Variants in WDR48 observed in about 807,000 individuals in gnomAD.
The protein encoded by WDR48 is WD repeat-containing protein 48.
In WDR48, 22 loss-of-function variants were observed where a neutral mutation model predicts 94.0. The observed-to-expected ratio is 0.23, with a 90% CI of 0.17 to 0.33. The LOEUF (loss-of-function observed/expected upper bound fraction) is 0.33, where lower values mean the gene tolerates loss of function less well. Ranked by LOEUF, WDR48 falls within the 10% of genes least tolerant of loss-of-function variation. WDR48 has a pLI of 1.00. For missense variants in WDR48, 541 were observed against 813.8 expected (o/e 0.66, Z 4.08); for synonymous variants, 278 against 280.5 (o/e 0.99, Z 0.09).
At chr3:39,052,311 C>T (rs560817353) in intron 1 of WDR48, 17 of 523,014 alleles carry the variant, frequency 3.3e-5, no homozygotes, top group African/African-American at 2.7e-4. Context: ...ATTCTGAGCC[C>T]GGGATTGCTT....
intron 13 of WDR48, among the ~76,000 whole-genome samples, chr3:39,085,191 C>G (rs886404462): frequency 9.2e-5 from 14 of 151,548 alleles, no homozygotes; most frequent in African/African-American, 3.2e-4. Context: ...TGCACCACTG[C>G]GCTCCAGCCT....
At chr3:39,059,300 A>G (rs1162078729) in intron 1 of WDR48, among the ~76,000 whole-genome samples, 1 of 152,162 alleles carries the variant, frequency 6.6e-6, no homozygotes, top group East Asian at 1.9e-4. Flanking sequence ...GACACTGGCA[A>G]CAGTAAATGA....
intron 1 of WDR48, among the ~76,000 whole-genome samples, chr3:39,060,601 G>A (rs546280105): frequency 2.0e-5 from 3 of 152,102 alleles, no homozygotes; most frequent in African/African-American, 4.8e-5. Flanking sequence ...CTTTTCCTTC[G>A]TAAAGATTAC....
rs1163674955 is a variant in WDR48 at position 39,074,889 on chromosome 3, C to T, written c.836C>T (p.Thr279Ile). ...GGAAGGGACAGGAAGATTTATTGTACAGACCTAAGAAACCCTGACATTCGG... is the reference window on the plus strand; with the variant it reads ...GGAAGGGACAGGAAGATTTATTGTATAGACCTAAGAAACCCTGACATTCGG... ...SGGRDRKIYCTDLRNPDIRVL... is the reference protein window; with the variant it reads ...SGGRDRKIYCIDLRNPDIRVL... Residue 279 changes from threonine (T) to isoleucine (I), a missense_variant, in exon 8 of 19, where the codon ACA (threonine) becomes ATA (isoleucine). This residue lies in a region of WDR48 where 238 missense variants were observed against 285.3 expected (regional missense o/e 0.83). Transcript: ENST00000302313. 1 of 1,614,220 alleles carries T rather than the reference C, an allele frequency of 6.2e-7. No homozygotes were observed. Among genetic ancestry groups the T allele is most frequent in the East Asian group, 2.2e-5 (1 of 44,892 alleles).
Position 39,069,761 on chromosome 3 carries a change from G to A in WDR48, c.672+17G>A. ...GGCACGCAAGTATGCAGTTTCATTT[G>A]GGTGTTTACCTAATAACCTTGTTAG... On this transcript the variant is annotated intron_variant, in intron 7 of 18. Coordinates refer to ENST00000302313, the MANE Select transcript of WDR48 (RefSeq NM_020839.4). 6.2e-7 allele frequency: 1 copy of A among 1,603,866 alleles called. No homozygotes were observed. Among genetic ancestry groups the A allele is most frequent in the Non-Finnish European group, 8.5e-7 (1 of 1,173,236 alleles).
chr3:39,089,466 C>A, intron 16 of WDR48, 148 bp downstream of exon 16: 2 of 553,348 alleles, frequency 3.6e-6, no homozygotes, highest in Non-Finnish European at 6.0e-6. Flanking sequence ...TCCAAAGTTG[C>A]AGAAATAGTA....
intron 1 of WDR48, among the ~76,000 whole-genome samples, chr3:39,060,384 C>T (rs1348064262): frequency 1.3e-5 from 2 of 151,388 alleles, no homozygotes; most frequent in African/African-American, 2.4e-5. Context: ...GGTTCATCCA[C>T]GTTATAGCAT....
intron 2 of WDR48, among the ~76,000 whole-genome samples, chr3:39,065,556 C>CAAA (rs34404622): frequency 1.7e-5 from 2 of 116,568 alleles, no homozygotes; most frequent in African/African-American, 6.1e-5. Context: ...TTTAACAAGG[C>CAAA]AAAAAAAAAA....
At position 39,079,175 on chromosome 3, in the gene WDR48, G is replaced by A. The variant is rs116677379; in HGVS notation, c.1076-536G>A. On this transcript the variant is annotated intron_variant, in intron 10 of 18. Transcript: ENST00000302313. ...ATTTAATATTGTACTTAGATATGAGGCAGAAAAGGACAGATATGATCCTCA... is the reference window on the plus strand; with the variant it reads ...ATTTAATATTGTACTTAGATATGAGACAGAAAAGGACAGATATGATCCTCA... 6.6e-3 allele frequency among the ~76,000 whole-genome samples: 1,004 copies of A among 152,262 alleles called. 13 individuals are homozygous for A. Among genetic ancestry groups the A allele is most frequent in the African/African-American group, 0.022 (900 of 41,524 alleles).
At chr3:39,076,630 C>T (rs897633580) in intron 8 of WDR48, among the ~76,000 whole-genome samples, 3 of 152,158 alleles carry the variant, frequency 2.0e-5, no homozygotes, top group Non-Finnish European at 4.4e-5. Flanking sequence ...TATACATGCA[C>T]ATAAACATAT....
intron 11 of WDR48, among the ~76,000 whole-genome samples, chr3:39,082,992 C>A (rs182245217): frequency 1.3e-5 from 2 of 152,040 alleles, no homozygotes; most frequent in Non-Finnish European, 2.9e-5. Context: ...TAAAAAGTTG[C>A]GGGGGAGTAA....
rs117172553 is a variant in WDR48 at position 39,071,968 on chromosome 3, G to A, written c.672+2224G>A. Among the ~76,000 whole-genome samples, 450 of 152,332 alleles carry A rather than the reference G, an allele frequency of 3.0e-3. 17 individuals are homozygous for A. In the East Asian group the frequency reaches 0.079, roughly 27 times the overall value. The stretch of plus-strand genomic sequence containing the variant: ...TCTACTTACAGATTCTTGAATTCTT[G>A]TAATATGGAAGAGGTGGTTATCAGT... On this transcript the variant is annotated intron_variant, in intron 7 of 18. Coordinates refer to ENST00000302313, the MANE Select transcript of WDR48 (RefSeq NM_020839.4).
chr3:39,068,721 C>T lies in WDR48; in HGVS notation c.482-50C>T, dbSNP rs201792643. The T allele has an allele frequency of 7.0e-6, 10 of 1,436,354 alleles. No homozygotes were observed. In the African/African-American group the frequency reaches 1.4e-4, roughly 20 times the overall value. The allele number at this position is 1,436,354 out of a possible 1,614,324, so 89.0% of individuals were successfully genotyped here. ...ACTTGCAGTTTTTGCTGACTAGTTA[C>T]TAAACAGCTGATGATCTTGTTAACA... On this transcript the variant is annotated intron_variant, in intron 5 of 18. Transcript: ENST00000302313.
In WDR48 at chr3:39,096,536, C is replaced by T. The variant is rs1218449589; in HGVS notation, c.*1793C>T. 6.6e-6 allele frequency: 1 copy of T among 152,180 alleles called. No homozygotes were observed. Among genetic ancestry groups the T allele is most frequent in the Non-Finnish European group, 1.5e-5 (1 of 68,038 alleles). The allele number at this position is 152,180 out of a possible 1,614,324, so 9.4% of individuals were successfully genotyped here. A position where few individuals can be genotyped will look rare whatever the true frequency, so the allele number is the denominator to read the frequency against. ...CTCCTGTCATAGATCTGACCCCCAGCATGATTGTATTTCTTTCCCCTCCAG... is the reference window on the plus strand; with the variant it reads ...CTCCTGTCATAGATCTGACCCCCAGTATGATTGTATTTCTTTCCCCTCCAG... On this transcript the variant is annotated 3_prime_UTR_variant, in exon 19 of 19. Transcript: ENST00000302313.
chr3:39,058,264 A>C (rs1205267291), intron 1 of WDR48, among the ~76,000 whole-genome samples: 1 of 152,204 alleles, frequency 6.6e-6, no homozygotes, highest in Non-Finnish European at 1.5e-5. Flanking sequence ...CACCTGGCCT[A>C]CATCAACATT....
chr3:39,082,104 G>A (rs1185671153), intron 11 of WDR48, among the ~76,000 whole-genome samples: 18 of 152,146 alleles, frequency 1.2e-4, no homozygotes, highest in Admixed American at 1.2e-3. Context: ...TTCCTAAAAT[G>A]TCGGGGGTGC....
chr3:39,074,063 A>G (rs79254732), intron 7 of WDR48, among the ~76,000 whole-genome samples: 4,391 of 152,286 alleles, frequency 0.029, 216 homozygotes, highest in African/African-American at 0.1. Context: ...AATAATTTAT[A>G]TTTTAACAAG....
rs2035254837 is a variant in WDR48 at position 39,094,713 on chromosome 3, C to T, written c.2004C>T (p.Leu668=). Residue 668 remains leucine (L), a synonymous_variant, in exon 19 of 19, where the codon CTC becomes CTT. Coordinates refer to ENST00000302313, the MANE Select transcript of WDR48 (RefSeq NM_020839.4). The stretch of plus-strand genomic sequence containing the variant: ...TCATATGGAAGAGCGGTGGAGACCT[C>T]ACCCTCCATTACCGTCAGAAGTCCA... ...KHFIWKSGGD[L]TLHYRQKST 2 of 1,613,976 alleles carry T rather than the reference C, an allele frequency of 1.2e-6. No homozygotes were observed. Among genetic ancestry groups the T allele is most frequent in the African/African-American group, 1.3e-5 (1 of 74,896 alleles).
intron 10 of WDR48, 56 bp downstream of exon 10, chr3:39,078,295 G>C: frequency 1.6e-6 from 2 of 1,228,604 alleles, no homozygotes; most frequent in Non-Finnish European, 2.3e-6. Context: ...GTTACTTAGA[G>C]ATTGACAAAA....
Sources: gnomAD v4.1 joint callset for allele counts (sites outside exome capture counted in the v4.1 genomes callset) on GRCh38, gnomAD v4.1.1 for gene constraint, gnomAD v4.1.1 regional missense constraint, MANE v1.5 for transcripts, NCBI Gene and HGNC (gene_info 2026-07-23, HGNC 2026-07-21) for gene names.